Variants in NUP188 observed in about 807,000 individuals in gnomAD.
NUP188 encodes nucleoporin 188, also known as nucleoporin NUP188.
Under a neutral mutation model 223.0 loss-of-function variants are expected in NUP188, and 97 were observed. The ratio of observed to expected loss-of-function variants is 0.43; its 90% confidence interval spans 0.37 to 0.51. The LOEUF (loss-of-function observed/expected upper bound fraction) is 0.51, where lower values mean the gene tolerates loss of function less well. Ranked by LOEUF, NUP188 falls within the 20% of genes least tolerant of loss-of-function variation. NUP188 has a pLI of 0.00. For synonymous variants in NUP188, 869 were observed against 828.0 expected, an observed-to-expected ratio of 1.05 and a Z score of -0.85; for missense variants, 1,947 against 2,175.6, an observed-to-expected ratio of 0.89 and a Z score of 2.09.
At position 128,995,439 on chromosome 9, in the gene NUP188, C is replaced by T. The variant is rs1451245670; in HGVS notation, c.3276C>T (p.Ser1092=). ...LAVHVAETEG[S]SCTSLLEYQM... Reference sequence around the variant, plus strand: ...TTCACGTGGCCGAAACAGAAGGCAGCAGCTGCACCTCCTTGTTAGAGTACC... The same window carrying T: ...TTCACGTGGCCGAAACAGAAGGCAGTAGCTGCACCTCCTTGTTAGAGTACC... Residue 1092 remains serine (S), a synonymous_variant, in exon 30 of 44, where the codon AGC becomes AGT. Transcript: ENST00000372577. The T allele has an allele frequency of 1.9e-6, 3 of 1,613,768 alleles. No individual in the cohort carries two copies. The highest frequency in any genetic ancestry group is 8.5e-7 in the Non-Finnish European group (1 of 1,179,830).
At chr9:129,003,532 TC>T (rs1842715786) in intron 38 of NUP188, 78 bp downstream of exon 38, 3 of 1,479,468 alleles carry the variant, frequency 2.0e-6, no homozygotes, top group Non-Finnish European at 2.8e-6. Context: ...ACTGGGGCAC[TC>T]CTAGTGAATT....
At position 129,005,356 on chromosome 9, in the gene NUP188, A is replaced by G; in HGVS notation, c.4563A>G (p.Pro1521=). Residue 1521 remains proline (P), a synonymous_variant, in exon 40 of 44, where the codon CCA becomes CCG. Transcript: ENST00000372577. ...PSAVAQRVQR[P]PSAASAAPSS... ...CTGTTGCCCAGCGAGTCCAGAGGCC[A>G]CCGTCTGCTGCTTCTGCTGCCCCCT... The G allele has an allele frequency of 6.2e-7, 1 of 1,613,716 alleles. No individual in the cohort carries two copies. The highest frequency in any genetic ancestry group is 8.5e-7 in the Non-Finnish European group (1 of 1,179,838).
intron 27 of NUP188, among the ~76,000 whole-genome samples, chr9:128,994,137 G>A (rs1158820029): frequency 6.6e-6 from 1 of 152,168 alleles, no homozygotes; most frequent in Non-Finnish European, 1.5e-5. Flanking sequence ...ACAGTGGAAG[G>A]AATCTTGAAG....
At chr9:128,960,078 T>G (rs1588270914) in intron 8 of NUP188, among the ~76,000 whole-genome samples, 1 of 145,214 alleles carries the variant, frequency 6.9e-6, no homozygotes, top group Non-Finnish European at 1.5e-5. Context: ...TTTTTTTTTT[T>G]TTTGAGACAG....
intron 12 of NUP188, among the ~76,000 whole-genome samples, chr9:128,974,536 T>G (rs1220146094): frequency 6.6e-6 from 1 of 151,970 alleles, no homozygotes; most frequent in Non-Finnish European, 1.5e-5. Context: ...TAAAATGTTT[T>G]TTAAGATGAA....
In NUP188 at chr9:128,998,136, T is replaced by C. The variant is rs565174325; in HGVS notation, c.3352-15T>C. On this transcript the variant is annotated splice_polypyrimidine_tract_variant and intron_variant, in intron 30 of 43. Transcript: ENST00000372577. ...AAAATTTTCCCAGCTGAAACCTTTT[T>C]CTGTTCCTTTGCAGGCAGATATAAT... The C allele has an allele frequency of 3.8e-5, 61 of 1,610,588 alleles. 1 individual carries two copies. In the East Asian group the frequency reaches 6.9e-4, roughly 18 times the overall value.
At chr9:128,953,548 T>C (rs1841825868) in intron 3 of NUP188, among the ~76,000 whole-genome samples, 1 of 152,222 alleles carries the variant, frequency 6.6e-6, no homozygotes, top group Non-Finnish European at 1.5e-5. Flanking sequence ...ACGATGAACT[T>C]TTCCTTGTTA....
At chr9:129,005,981 A>G in intron 41 of NUP188, 69 bp from the exon 42 acceptor site, 3 of 1,549,392 alleles carry the variant, frequency 1.9e-6, no homozygotes, top group Non-Finnish European at 2.7e-6. Context: ...CAGGACATGC[A>G]AGTAGGAAGC....
chr9:128,986,651 A>G lies in NUP188; in HGVS notation c.2170A>G (p.Asn724Asp). The G allele has an allele frequency of 9.3e-6, 15 of 1,614,216 alleles. No individual in the cohort carries two copies. Among genetic ancestry groups the G allele is most frequent in the Non-Finnish European group, 1.3e-5 (15 of 1,180,048 alleles). ...TCCCAGCTACCATAAGTGGCGCTAC[A>G]ACTCTCATGGAGTGAGGGAACAGAT... Reference protein sequence around the residue: ...MLPSYHKWRYNSHGVREQIGC... With the variant: ...MLPSYHKWRYDSHGVREQIGC... Residue 724 changes from asparagine (N) to aspartate (D), a missense_variant, in exon 21 of 44, where the codon AAC (asparagine) becomes GAC (aspartate). By Grantham distance (23) the Asn-to-Asp change is conservative. Coordinates refer to ENST00000372577, the MANE Select transcript of NUP188 (RefSeq NM_015354.3).
chr9:128,957,356 T>C (rs1841885558), intron 5 of NUP188, among the ~76,000 whole-genome samples: 1 of 152,128 alleles, frequency 6.6e-6, no homozygotes, highest in East Asian at 1.9e-4. Context: ...GTAAAGAATA[T>C]ATATGCATAT....
chr9:129,005,657 G>A lies in NUP188; in HGVS notation c.4750G>A (p.Ala1584Thr), dbSNP rs61751466. 1.3e-5 allele frequency: 21 copies of A among 1,613,808 alleles called. No homozygotes were observed. Among genetic ancestry groups the A allele is most frequent in the Middle Eastern group, 1.6e-4 (1 of 6,062 alleles). ...TCTTTTCTCGCAGTCCCTGGACCTT[G>A]CTGAATACAACTTCCTGTTTGCCCT... is the stretch of plus-strand genomic sequence containing the variant. Reference protein sequence around the residue: ...QILLDQSLDLAEYNFLFALSF... With the variant: ...QILLDQSLDLTEYNFLFALSF... Residue 1584 changes from alanine (A) to threonine (T), a missense_variant, in exon 41 of 44, where the codon GCT becomes ACT. Transcript: ENST00000372577.
At chr9:129,004,755 C>T (rs963445460) in intron 38 of NUP188, 77 of 197,788 alleles carry the variant, frequency 3.9e-4, no homozygotes, top group African/African-American at 1.7e-3. Context: ...GCGCCTGCCT[C>T]GACCTCAAAA....
chr9:128,992,318 A>G (rs1842447729), intron 25 of NUP188, among the ~76,000 whole-genome samples: 1 of 152,038 alleles, frequency 6.6e-6, no homozygotes, highest in African/African-American at 2.4e-5. Context: ...TAAGCCTCCC[A>G]GGTTGCTGGG....
chr9:128,964,820 C>T (rs1043918938), intron 8 of NUP188, among the ~76,000 whole-genome samples: 2 of 151,800 alleles, frequency 1.3e-5, no homozygotes, highest in African/African-American at 4.8e-5. Flanking sequence ...ATTCTGCTGC[C>T]TCCAGCCTCC....
chr9:128,968,399 T>A, intron 8 of NUP188, 107 bp from the exon 9 acceptor site: 1 of 812,924 alleles, frequency 1.2e-6, no homozygotes, highest in East Asian at 2.6e-5. Flanking sequence ...GCCACTGCAC[T>A]GTATCCTGGG....
Position 128,982,943 on chromosome 9 carries a change from C to T in NUP188, c.1711C>T (p.Leu571Phe), listed in dbSNP as rs751961585. ...CCAGCGAGTCAAACCCATCATTGATCTCGTCCATAAGGTCATCAGTACAGA... is the reference window on the plus strand; with the variant it reads ...CCAGCGAGTCAAACCCATCATTGATTTCGTCCATAAGGTCATCAGTACAGA... ...HCQRVKPIID[L>F]VHKVISTDLS... Residue 571 changes from leucine to phenylalanine, a missense_variant, in exon 17 of 44, where the codon CTC (leucine) becomes TTC (phenylalanine). Leu to Phe is a conservative substitution (Grantham distance 22). Transcript: ENST00000372577. 5 of 1,614,030 alleles carry T rather than the reference C, an allele frequency of 3.1e-6. No individual in the cohort carries two copies. Among genetic ancestry groups the T allele is most frequent in the Non-Finnish European group, 2.5e-6 (3 of 1,180,026 alleles).
Position 129,006,341 on chromosome 9 carries a change from G to T in NUP188, c.5046G>T (p.Arg1682=). Residue 1682 remains arginine, a synonymous_variant, in exon 43 of 44, where the codon CGG becomes CGT. Transcript: ENST00000372577. ...CTGTGCACCCCCGGGACAAACAGCG[G>T]ATGAAGCAGGAGCTCAGCTCTGAGT... ...DPAVHPRDKQ[R]MKQELSSELS... is the part of the protein sequence containing the mutation. 1.2e-6 allele frequency: 2 copies of T among 1,614,204 alleles called. No individual in the cohort carries two copies. The highest frequency in any genetic ancestry group is 1.7e-6 in the Non-Finnish European group (2 of 1,180,032).
chr9:128,973,067 T>G (rs1588277201), intron 11 of NUP188, 93 bp from the exon 12 acceptor site: 2 of 598,044 alleles, frequency 3.3e-6, no homozygotes, highest in East Asian at 6.3e-5. Flanking sequence ...TCCCATTTGT[T>G]TACAAAGAAT....
At chr9:128,969,780 A>G (rs934641194) in intron 10 of NUP188, among the ~76,000 whole-genome samples, 6 of 151,970 alleles carry the variant, frequency 3.9e-5, no homozygotes, top group African/African-American at 1.5e-4. Flanking sequence ...CAGCCTCCCA[A>G]GTAGCTGGGA....
Sources: allele counts gnomAD v4.1 joint callset (sites outside exome capture counted in the v4.1 genomes callset), GRCh38; gene constraint gnomAD v4.1.1; transcripts MANE v1.5; gene names NCBI Gene and HGNC (gene_info 2026-07-23, HGNC 2026-07-21).